Variants in RCL1 observed in about 807,000 individuals in gnomAD.
RCL1 encodes RNA terminal phosphate cyclase like 1, also known as RNA 3'-terminal phosphate cyclase-like protein.
Under a neutral mutation model 42.4 loss-of-function variants are expected in RCL1, and 24 were observed. The ratio of observed to expected loss-of-function variants is 0.57; its 90% CI spans 0.41 to 0.80. The LOEUF (loss-of-function observed/expected upper bound fraction) is 0.80. Among genes scored for constraint, RCL1 ranks in the 30% least tolerant of loss-of-function variants. The pLI is 0.00. For missense variants in RCL1, 578 were observed against 467.9 expected, an observed-to-expected ratio of 1.24 and a Z score of -2.17; for synonymous variants, 228 against 177.3, an observed-to-expected ratio of 1.29 and a Z score of -2.27.
chr9:4,836,669 G>A (rs1817146600), intron 5 of RCL1: 1 of 152,322 alleles, frequency 6.6e-6, no homozygotes, highest in Non-Finnish European at 1.5e-5. Context: ...CTTAAGGTCG[G>A]GTTTTGTGTT....
rs1394688676 is a variant in RCL1, at chr9:4,860,967, C to T, written c.*692C>T. ...CATTCTTATTTTATTTTCACAATAG[C>T]TCTGTGATGTAAGTGCTATCTCCAT... On this transcript the variant is annotated 3_prime_UTR_variant, in exon 9 of 9. Transcript: ENST00000381750. 1 of 152,062 alleles carries T rather than the reference C, an allele frequency of 6.6e-6. No individual in the cohort carries two copies. Among genetic ancestry groups the T allele is most frequent in the East Asian group, 1.9e-4 (1 of 5,190 alleles). The allele number at this position is 152,062 out of a possible 1,614,324, so 9.4% of individuals were successfully genotyped here.
At chr9:4,844,497 C>T in intron 6 of RCL1, 28 bp from the exon 7 acceptor site, 1 of 1,583,350 alleles carries the variant, frequency 6.3e-7, no homozygotes, top group Non-Finnish European at 8.6e-7. Flanking sequence ...GTTAAACCTA[C>T]TCAGTGTTTG....
At chr9:4,834,388 G>C in intron 5 of RCL1, 123 bp downstream of exon 5, 2 of 1,124,952 alleles carry the variant, frequency 1.8e-6, no homozygotes, top group Non-Finnish European at 2.4e-6. Flanking sequence ...ACTTTGAAAA[G>C]TCTTAACAGT....
In RCL1 at chr9:4,823,930, G is replaced by C. The variant is rs769359803; in HGVS notation, c.208+311G>C. On this transcript the variant is annotated intron_variant, in intron 2 of 8. Coordinates refer to ENST00000381750, the MANE Select transcript of RCL1 (RefSeq NM_005772.5). ...ATCATTTTAAAAAATACCGTGTTCC[G>C]ATGGAAAGACCCAGTTACCTCTCTG... Among the ~76,000 whole-genome samples the C allele has an allele frequency of 3.3e-5, 5 of 152,088 alleles. No homozygotes were observed. In the South Asian group the frequency reaches 1.0e-3, roughly 32 times the overall value.
intron 1 of RCL1, among the ~76,000 whole-genome samples, chr9:4,815,348 C>T (rs184818033): frequency 1.3e-5 from 2 of 152,102 alleles, no homozygotes; most frequent in East Asian, 1.9e-4. Context: ...AAAGACTTAT[C>T]TTCAAGTTCA....
At chr9:4,823,949 C>G (rs535315845) in intron 2 of RCL1, among the ~76,000 whole-genome samples, 1 of 152,012 alleles carries the variant, frequency 6.6e-6, no homozygotes, top group Non-Finnish European at 1.5e-5. Flanking sequence ...ACCCAGTTAC[C>G]TCTCTGTGAT....
At chr9:4,811,807 T>C (rs1816186956) in intron 1 of RCL1, among the ~76,000 whole-genome samples, 1 of 152,240 alleles carries the variant, frequency 6.6e-6, no homozygotes, top group South Asian at 2.1e-4. Context: ...CTAATTTACA[T>C]TTCCACCAAC....
intron 3 of RCL1, 95 bp from the exon 4 acceptor site, chr9:4,833,059 C>A: frequency 1.2e-6 from 1 of 807,362 alleles, no homozygotes; most frequent in Non-Finnish European, 2.2e-6. Context: ...CACACTGCAT[C>A]ATCTACCTGG....
chr9:4,798,553 C>A (rs1327892704), intron 1 of RCL1, among the ~76,000 whole-genome samples: 1 of 152,166 alleles, frequency 6.6e-6, no homozygotes, highest in Non-Finnish European at 1.5e-5. Context: ...CAAAAGGGTC[C>A]TTTAAAATGT....
chr9:4,825,170 A>G (rs1156540995), intron 2 of RCL1, among the ~76,000 whole-genome samples: 1 of 151,820 alleles, frequency 6.6e-6, no homozygotes, highest in Non-Finnish European at 1.5e-5. Context: ...GGCATGAGCC[A>G]CAGTGCGTGG....
chr9:4,802,448 G>C (rs7864610), intron 1 of RCL1, among the ~76,000 whole-genome samples: 11 of 152,028 alleles, frequency 7.2e-5, no homozygotes, highest in Non-Finnish European at 1.5e-4. Context: ...GATAATTGTC[G>C]TCTTTATTAT....
At chr9:4,858,806 C>T (rs56229328) in intron 8 of RCL1, among the ~76,000 whole-genome samples, 7,587 of 152,198 alleles carry the variant, frequency 0.05, 528 homozygotes, top group African/African-American at 0.16. Flanking sequence ...GGAGACAGTA[C>T]AGTGCGAGGT....
chr9:4,839,589 T>C, intron 5 of RCL1: 1 of 872,138 alleles, frequency 1.1e-6, no homozygotes, highest in Non-Finnish European at 1.4e-6. Flanking sequence ...GGACTGTTTG[T>C]CTAAGCTGTC....
intron 8 of RCL1, among the ~76,000 whole-genome samples, chr9:4,851,466 G>A (rs1255084499): frequency 6.6e-6 from 1 of 152,152 alleles, no homozygotes; most frequent in Admixed American, 6.5e-5. Flanking sequence ...TAATCACTAT[G>A]GACAGCTCCA....
intron 1 of RCL1, among the ~76,000 whole-genome samples, chr9:4,796,666 C>G (rs978782499): frequency 5.1e-4 from 77 of 152,310 alleles, no homozygotes; most frequent in African/African-American, 1.8e-3. Context: ...TTCCAAATTG[C>G]TGGGATTACA....
Sources: allele counts gnomAD v4.1 joint callset (sites outside exome capture counted in the v4.1 genomes callset), GRCh38; gene constraint gnomAD v4.1.1; transcripts MANE v1.5; gene names NCBI Gene and HGNC (gene_info 2026-07-23, HGNC 2026-07-21).